The following FBN2 variants were observed in gnomAD, a reference collection of about 807,000 sequenced individuals.
FBN2 encodes the protein fibrillin-2.
A neutral mutation model predicts 355.6 loss-of-function variants in FBN2; 105 were observed. That is an observed-to-expected ratio of 0.30 (90% confidence interval 0.25 to 0.35). FBN2 has a LOEUF of 0.35. Among genes scored for constraint, FBN2 ranks in the 10% least tolerant of loss-of-function variants. The probability of loss-of-function intolerance (pLI) is 1.00; values close to 1 mark genes in which losing one functional copy is unlikely to be tolerated. For synonymous variants in FBN2, 1,350 were observed against 1,301.2 expected (o/e 1.04, Z -0.81); for missense variants, 3,280 against 3,758.7 (o/e 0.87, Z 3.33).
chr5:128,313,918 CTA>C (rs1020384806), intron 36 of FBN2, among the ~76,000 whole-genome samples: 2 of 147,344 alleles, frequency 1.4e-5, no homozygotes, highest in Non-Finnish European at 3.0e-5. Context: ...TCTATCATTA[CTA>C]TCTTTTTTTT....
intron 34 of FBN2, 72 bp from the exon 35 acceptor site, chr5:128,319,073 T>C (rs1750293506): frequency 2.4e-6 from 3 of 1,264,800 alleles, no homozygotes; most frequent in Middle Eastern, 2.1e-4. Flanking sequence ...TGTCTAACAT[T>C]AGCGCATTTT....
At chr5:128,334,995 C>T in intron 30 of FBN2, 151 bp from the exon 31 acceptor site, 2 of 1,186,668 alleles carry the variant, frequency 1.7e-6, no homozygotes, top group Non-Finnish European at 2.4e-6. Context: ...AAATATACAA[C>T]CTGCCTTTAG....
intron 5 of FBN2, among the ~76,000 whole-genome samples, chr5:128,499,116 C>G (rs1755736114): frequency 6.6e-6 from 1 of 152,072 alleles, no homozygotes; most frequent in South Asian, 2.1e-4. Context: ...TGGAGAAAAC[C>G]TTAACATAAA....
chr5:128,406,586 C>T (rs559591388), intron 8 of FBN2, among the ~76,000 whole-genome samples: 3 of 152,230 alleles, frequency 2.0e-5, no homozygotes, highest in Admixed American at 6.5e-5. Flanking sequence ...CACATAAGCA[C>T]TGCGATACTG....
chr5:128,452,093 CA>C (rs1754265443), intron 6 of FBN2, among the ~76,000 whole-genome samples: 2 of 151,496 alleles, frequency 1.3e-5, no homozygotes, highest in African/African-American at 4.8e-5. Flanking sequence ...TAGAAATAAC[CA>C]AAAAATAACC....
intron 44 of FBN2, 84 bp downstream of exon 44, chr5:128,305,427 C>G: frequency 6.6e-7 from 1 of 1,504,586 alleles, no homozygotes; most frequent in Non-Finnish European, 9.2e-7. Context: ...AAATCTTTCC[C>G]AAATTATTCT....
At chr5:128,446,456 T>A (rs202103734) in intron 7 of FBN2, 25 bp downstream of exon 7, 43 of 1,612,564 alleles carry the variant, frequency 2.7e-5, no homozygotes, top group Admixed American at 1.3e-4. Flanking sequence ...CAATTAGGCA[T>A]GCTTCCCAAA....
intron 7 of FBN2, among the ~76,000 whole-genome samples, chr5:128,432,504 C>T (rs1753652329): frequency 6.6e-6 from 1 of 152,174 alleles, no homozygotes; most frequent in Admixed American, 6.5e-5. Context: ...TTGCACTACA[C>T]TGGCAGAGCT....
intron 5 of FBN2, among the ~76,000 whole-genome samples, chr5:128,494,755 A>AC (rs1343938939): frequency 6.6e-6 from 1 of 152,212 alleles, no homozygotes; most frequent in African/African-American, 2.4e-5. Context: ...AACAGACTTC[A>AC]CTAAGATCGT....
At chr5:128,485,324 G>A (rs1424522499) in intron 5 of FBN2, among the ~76,000 whole-genome samples, 2 of 152,104 alleles carry the variant, frequency 1.3e-5, no homozygotes, top group African/African-American at 4.8e-5. Flanking sequence ...TGCCTGGCCT[G>A]CAGAAGGAAA....
At chr5:128,395,485 G>T (rs1194511828) in intron 8 of FBN2, among the ~76,000 whole-genome samples, 1 of 152,218 alleles carries the variant, frequency 6.6e-6, no homozygotes, top group Non-Finnish European at 1.5e-5. Context: ...ACAGACTGCA[G>T]TAAGAAGCTA....
In FBN2 at chr5:128,446,688, T is replaced by C. The variant is rs1449635349; in HGVS notation, c.827-82A>G. ...TTTTTTTTACTATAAAAACTTTATA[T>C]AAACATTCTTCTAAGAAACTCAGTT... On this transcript the variant is annotated intron_variant, in intron 6 of 64. Transcript: ENST00000262464. 6 of 1,454,382 alleles carry C rather than the reference T, an allele frequency of 4.1e-6. No individual in the cohort carries two copies. In the East Asian group the frequency reaches 1.2e-4, roughly 29 times the overall value. The allele number at this position is 1,454,382 out of a possible 1,614,324, so 90.1% of individuals were successfully genotyped here. A position where few individuals can be genotyped will look rare whatever the true frequency, so the allele number is the denominator to read the frequency against.
Position 128,277,890 on chromosome 5 carries a change from G to A in FBN2, c.7461C>T (p.Thr2487=). 1.9e-6 allele frequency: 3 copies of A among 1,614,080 alleles called. No homozygotes were observed. The highest frequency in any genetic ancestry group is 2.5e-6 in the Non-Finnish European group (3 of 1,179,986). ...KVGYTTDISG[T]SCIDLDECSQ... is the part of the protein sequence containing the mutation. ...GGTGCCCATCGTTACCTATACAAGA[G>A]GTTCCACTGATGTCTGTGGTGTAGC... The change falls in exon 58 of 65, where the codon ACC becomes ACT. Residue 2487 remains threonine (T), a synonymous_variant. Transcript: ENST00000262464.
Position 128,462,907 on chromosome 5 carries a change from G to A in FBN2, c.826+1817C>T, listed in dbSNP as rs533173748. 3.9e-5 allele frequency among the ~76,000 whole-genome samples: 6 copies of A among 152,172 alleles called. No individual in the cohort carries two copies. In the South Asian group the frequency reaches 1.2e-3, roughly 32 times the overall value. On this transcript the variant is annotated intron_variant, in intron 6 of 64. Transcript: ENST00000262464. ...AAAAGGTATTTGCTGAGCTTCTACT[G>A]TATATTAGGCACTGTTCTAGATGTC...
At position 128,286,874 on chromosome 5, in the gene FBN2, A is replaced by C. The variant is rs1481878704; in HGVS notation, c.6881-25T>G. 1.9e-6 allele frequency: 3 copies of C among 1,610,496 alleles called. No individual in the cohort carries two copies. The South Asian group carries it at 3.3e-5, about 18-fold the overall frequency. On this transcript the variant is annotated intron_variant, in intron 54 of 64. Coordinates refer to ENST00000262464, the MANE Select transcript of FBN2 (RefSeq NM_001999.4). ...TCTAGAACAAAAAATAAAAATTAAA[A>C]ATTATCTGGAGCAAGCTGTAGTTTA...
At chr5:128,416,164 T>C (rs566376051) in intron 7 of FBN2, among the ~76,000 whole-genome samples, 4 of 152,254 alleles carry the variant, frequency 2.6e-5, no homozygotes, top group African/African-American at 9.6e-5. Flanking sequence ...TAGCTAGGAT[T>C]ACAGGCATGT....
chr5:128,440,962 A>G (rs956750013), intron 7 of FBN2, among the ~76,000 whole-genome samples: 92 of 152,130 alleles, frequency 6.0e-4, no homozygotes, highest in African/African-American at 2.2e-3. Flanking sequence ...AAATTGGTCA[A>G]TCTGGGGAGG....
chr5:128,300,744 A>AC, intron 48 of FBN2, 73 bp downstream of exon 48: 1 of 1,496,322 alleles, frequency 6.7e-7, no homozygotes, highest in Non-Finnish European at 9.3e-7. Context: ...GGCACTTAGT[A>AC]TGTTTCCAGA....
At chr5:128,372,394 A>C (rs1751966669) in intron 15 of FBN2, among the ~76,000 whole-genome samples, 1 of 152,230 alleles carries the variant, frequency 6.6e-6, no homozygotes, top group African/African-American at 2.4e-5. Flanking sequence ...AAAAACAAAA[A>C]CACATCTTAA....
Sources: gnomAD v4.1 joint callset for allele counts (sites outside exome capture counted in the v4.1 genomes callset) on GRCh38, gnomAD v4.1.1 for gene constraint, MANE v1.5 for transcripts, NCBI Gene and HGNC (gene_info 2026-07-23, HGNC 2026-07-21) for gene names.